The following LCN10 variants were observed in gnomAD, a reference collection of about 807,000 sequenced individuals.
The protein encoded by LCN10 is epididymal-specific lipocalin-10.
LCN10 carries 18 observed loss-of-function variants against 25.1 expected under a neutral mutation model. The observed-to-expected ratio is 0.72, with a 90% CI of 0.50 to 1.06. The LOEUF is 1.06. Among genes scored for constraint, LCN10 ranks in the 50% least tolerant of loss-of-function variants. The pLI is 0.00. For missense variants in LCN10, 257 were observed against 258.9 expected, an observed-to-expected ratio of 0.99 and a Z score of 0.05; for synonymous variants, 130 against 116.7, an observed-to-expected ratio of 1.11 and a Z score of -0.73.
In LCN10 at chr9:136,740,755, C is replaced by G. The variant is rs1339737708; in HGVS notation, c.475+81G>C. ...CTCCCTGCCCGCCTCACCTCCTGCC[C>G]GGCCCCCTGTGCCCAGCGCCCCTCT... On this transcript the variant is annotated intron_variant, in intron 4 of 5. Coordinates refer to ENST00000497771, the MANE Select transcript of LCN10 (RefSeq NM_001001712.3). The surrounding 1 kb of genome is among the most constrained non-coding windows in gnomAD (Gnocchi z 5.3). 3.2e-5 allele frequency: 34 copies of G among 1,050,998 alleles called. No individual in the cohort carries two copies. The highest frequency in any genetic ancestry group is 4.6e-5 in the Non-Finnish European group (34 of 734,292). The allele number at this position is 1,050,998 out of a possible 1,614,324, so 65.1% of individuals were successfully genotyped here.
intron 2 of LCN10, 41 bp from the exon 3 acceptor site, chr9:136,741,402 C>G: frequency 1.4e-6 from 2 of 1,463,178 alleles, no homozygotes; most frequent in Non-Finnish European, 1.9e-6. Flanking sequence ...ACCAGGGAAC[C>G]CCTCCTCCCG....
Position 136,739,749 on chromosome 9 carries a change from G to C in LCN10, c.575-196C>G. On this transcript the variant is annotated intron_variant, in intron 5 of 5. Transcript: ENST00000497771. This position sits in a 1 kb window ranked among gnomAD's most constrained non-coding sequence, Gnocchi z 6.1. The stretch of plus-strand genomic sequence containing the variant: ...GTCGGATGCAGCATCTGCTCCGGAC[G>C]CCTCTCGCTGTCGGTGCCAGGCCTG... 1.4e-6 allele frequency: 1 copy of C among 728,986 alleles called. No individual in the cohort carries two copies. Among genetic ancestry groups the C allele is most frequent in the Non-Finnish European group, 2.4e-6 (1 of 421,634 alleles). The allele number at this position is 728,986 out of a possible 1,614,324, so 45.2% of individuals were successfully genotyped here.
chr9:136,740,915 C>T lies in LCN10; in HGVS notation c.396G>A (p.Leu132=), dbSNP rs754038771. 5.6e-6 allele frequency: 9 copies of T among 1,613,866 alleles called. No individual in the cohort carries two copies. In the East Asian group the frequency reaches 1.3e-4, roughly 24 times the overall value. The change falls in exon 4 of 6, where the codon CTG becomes CTA. Residue 132 remains leucine, a synonymous_variant. Coordinates refer to ENST00000497771, the MANE Select transcript of LCN10 (RefSeq NM_001001712.3). This position sits in a 1 kb window ranked among gnomAD's most constrained non-coding sequence, Gnocchi z 5.3. ...CCAAGCCGTAGCTGTAGTCAGTGGA[C>T]AGCACGTGGAAGGCCTTCACCCCTT... ...GVKGVKAFHV[L]STDYSYGLVY...
chr9:136,739,149 T>G lies in LCN10; in HGVS notation c.*376A>C, dbSNP rs1846879805. On this transcript the variant is annotated 3_prime_UTR_variant, in exon 6 of 6. Transcript: ENST00000497771. This position sits in a 1 kb window ranked among gnomAD's most constrained non-coding sequence, Gnocchi z 6.1. ...ATATGCGAACGGCTTCCTGAGAAAG[T>G]GCAGGATGTAAAGGAACGCGGAGGG... 1 of 249,076 alleles carries G rather than the reference T, an allele frequency of 4.0e-6. No homozygotes were observed. The highest frequency in any genetic ancestry group is 8.0e-6 in the Non-Finnish European group (1 of 125,392). The allele number at this position is 249,076 out of a possible 1,614,324, so 15.4% of individuals were successfully genotyped here.
At position 136,738,269 on chromosome 9, in the gene LCN10, G is replaced by A. The variant is rs1475418841; in HGVS notation, c.*1256C>T. 1 of 152,224 alleles carries A rather than the reference G, an allele frequency of 6.6e-6. No homozygotes were observed. Among genetic ancestry groups the A allele is most frequent in the African/African-American group, 2.4e-5 (1 of 41,428 alleles). 9.4% of individuals were successfully genotyped at this position (152,224 alleles called of 1,614,324 possible). On this transcript the variant is annotated 3_prime_UTR_variant, in exon 6 of 6. Coordinates refer to ENST00000497771, the MANE Select transcript of LCN10 (RefSeq NM_001001712.3). ...AAGCGTAGCCTCAGGCCAGAAGCCT[G>A]GAACAGACACTTGGAGGGGAGGGAC...
Position 136,741,276 on chromosome 9 carries a change from C to A in LCN10, c.343G>T (p.Gly115Cys), listed in dbSNP as rs147545381. 6.2e-7 allele frequency: 1 copy of A among 1,613,584 alleles called. No individual in the cohort carries two copies. Among genetic ancestry groups the A allele is most frequent in the Non-Finnish European group, 8.5e-7 (1 of 1,179,796 alleles). The change falls in exon 3 of 6, where the codon GGC (glycine) becomes TGC (cysteine). Residue 115 changes from glycine to cysteine, a missense_variant. Coordinates refer to ENST00000497771, the MANE Select transcript of LCN10 (RefSeq NM_001001712.3). Reference sequence around the variant, plus strand: ...CCTCCCTCCTGTCCTTCCCTCGGGCCCGCCGCGTATGCACAGGCGTTCCCA... The same window carrying A: ...CCTCCCTCCTGTCCTTCCCTCGGGCACGCCGCGTATGCACAGGCGTTCCCA... ...VFGNACAYAA[G>C]PREGQEGVKG...
At chr9:136,742,243 G>C in intron 1 of LCN10, 1 of 568,808 alleles carries the variant, frequency 1.8e-6, no homozygotes, top group Non-Finnish European at 3.1e-6. Flanking sequence ...AGGCAGCAAA[G>C]GGCTGGGCTG....
chr9:136,741,079 CG>C, intron 3 of LCN10, 136 bp from the exon 4 acceptor site: 2 of 987,968 alleles, frequency 2.0e-6, no homozygotes, highest in South Asian at 1.4e-5. Context: ...AGTGCCCTCC[CG>C]GGGCCTCCCC....
Position 136,739,624 on chromosome 9 carries a change from C to T in LCN10, c.575-71G>A. The T allele has an allele frequency of 2.8e-6, 4 of 1,428,400 alleles. No individual in the cohort carries two copies. The highest frequency in any genetic ancestry group is 3.9e-6 in the Non-Finnish European group (4 of 1,034,604). The allele number at this position is 1,428,400 out of a possible 1,614,324, so 88.5% of individuals were successfully genotyped here. A position where few individuals can be genotyped will look rare whatever the true frequency, so the allele number is the denominator to read the frequency against. ...AGACACATGAGCCGTGAACACGTCT[C>T]CCCCGGCCGCTCCCTGGTTCCATGC... is the stretch of plus-strand genomic sequence containing the variant. On this transcript the variant is annotated intron_variant, in intron 5 of 5. Transcript: ENST00000497771. The surrounding 1 kb of genome is among the most constrained non-coding windows in gnomAD (Gnocchi z 6.1).
intron 1 of LCN10, chr9:136,742,393 C>T (rs530482500): frequency 3.5e-5 from 14 of 401,444 alleles, no homozygotes; most frequent in African/African-American, 8.2e-5. Context: ...CCAACCCTAG[C>T]GCCCTGGGCA....
rs575241223 is a variant in LCN10, at chr9:136,742,643, G to A, written c.117+144C>T. On this transcript the variant is annotated intron_variant, in intron 1 of 5. Coordinates refer to ENST00000497771, the MANE Select transcript of LCN10 (RefSeq NM_001001712.3). ...TTGCGGGGCCCCTGTGCTGGAGGCT[G>A]CAGTGGGAGAGGCCAGGTGGGCAGC... 101 of 1,025,778 alleles carry A rather than the reference G, an allele frequency of 9.8e-5. No individual in the cohort carries two copies. The South Asian group carries it at 1.4e-3, about 14-fold the overall frequency. The allele number at this position is 1,025,778 out of a possible 1,614,324, so 63.5% of individuals were successfully genotyped here. A position where few individuals can be genotyped will look rare whatever the true frequency, so the allele number is the denominator to read the frequency against.
Position 136,739,965 on chromosome 9 carries a change from T to C in LCN10, c.559A>G (p.Ile187Val). 6.3e-7 allele frequency: 1 copy of C among 1,590,098 alleles called. No homozygotes were observed. The highest frequency in any genetic ancestry group is 1.1e-5 in the South Asian group (1 of 87,060). The change falls in exon 5 of 6, where the codon ATC becomes GTC. Residue 187 changes from isoleucine to valine, a missense_variant. Coordinates refer to ENST00000497771, the MANE Select transcript of LCN10 (RefSeq NM_001001712.3). The surrounding 1 kb of genome is among the most constrained non-coding windows in gnomAD (Gnocchi z 6.1). ...CACAGCTTACCGTCTTTCGGGAGGATGACGGCGGCCTTGGAGAGCCCCAGA... is the reference window on the plus strand; with the variant it reads ...CACAGCTTACCGTCTTTCGGGAGGACGACGGCGGCCTTGGAGAGCCCCAGA... ...DILGLSKAAV[I>V]LPKDASRTHT...
chr9:136,741,118 C>T (rs1274327831), intron 3 of LCN10, 134 bp downstream of exon 3: 11 of 997,738 alleles, frequency 1.1e-5, no homozygotes, highest in Non-Finnish European at 1.5e-5. Context: ...CAGCACATGA[C>T]GTGTGGGCTC....
In LCN10 at chr9:136,740,296, C is replaced by G. The variant is rs1846905462; in HGVS notation, c.476-248G>C. The G allele has an allele frequency of 1.8e-6, 1 of 545,706 alleles. No individual in the cohort carries two copies. Among genetic ancestry groups the G allele is most frequent in the Non-Finnish European group, 3.3e-6 (1 of 300,808 alleles). 33.8% of individuals were successfully genotyped at this position (545,706 alleles called of 1,614,324 possible). On this transcript the variant is annotated intron_variant, in intron 4 of 5. Transcript: ENST00000497771. This position sits in a 1 kb window ranked among gnomAD's most constrained non-coding sequence, Gnocchi z 5.3. ...TCTCTGCCTGCAGAGTCCCCTCCAG[C>G]CAGCCCCTCAGCTGTGCCCCAGCTT...
chr9:136,741,201 G>T, intron 3 of LCN10, 51 bp downstream of exon 3: 2 of 1,500,242 alleles, frequency 1.3e-6, no homozygotes, highest in East Asian at 2.3e-5. Context: ...AGGCACAGGG[G>T]GGTCAGAGGC....
Position 136,741,578 on chromosome 9 carries a change from C to T in LCN10, c.258-217G>A. The T allele has an allele frequency of 1.2e-5, 7 of 606,244 alleles. No homozygotes were observed. The South Asian group carries it at 1.4e-4, about 12-fold the overall frequency. 37.6% of individuals were successfully genotyped at this position (606,244 alleles called of 1,614,324 possible). ...TTTTCCAATTCGGACTGGGGCCTGT[C>T]CCACGGCACGAGAGAAACTCCCAAC... On this transcript the variant is annotated intron_variant, in intron 2 of 5. Transcript: ENST00000497771.
chr9:136,742,041 C>T (rs374608420), intron 1 of LCN10, 21 bp from the exon 2 acceptor site: 90 of 1,611,430 alleles, frequency 5.6e-5, no homozygotes, highest in Non-Finnish European at 7.2e-5. Flanking sequence ...GATGTGTGGG[C>T]GGGGACAGGA....
Position 136,738,554 on chromosome 9 carries a change from T to C in LCN10, c.*971A>G, listed in dbSNP as rs1452222601. On this transcript the variant is annotated 3_prime_UTR_variant, in exon 6 of 6. Transcript: ENST00000497771. ...GCCAGAAGAAGGTCCATTCATTCAG[T>C]TGGGGGGTTCATCTCAGACAACCTC... 12 of 152,116 alleles carry C rather than the reference T, an allele frequency of 7.9e-5. No individual in the cohort carries two copies. The highest frequency in any genetic ancestry group is 7.9e-4 in the Admixed American group (12 of 15,248). The allele number at this position is 152,116 out of a possible 1,614,324, so 9.4% of individuals were successfully genotyped here.
Position 136,739,968 on chromosome 9 carries a change from C to T in LCN10, c.556G>A (p.Val186Ile), listed in dbSNP as rs536082781. Residue 186 changes from valine (V) to isoleucine (I), a missense_variant, in exon 5 of 6, where the codon GTC becomes ATC. Transcript: ENST00000497771. The surrounding 1 kb of genome is among the most constrained non-coding windows in gnomAD (Gnocchi z 6.1). ...AGCTTACCGTCTTTCGGGAGGATGACGGCGGCCTTGGAGAGCCCCAGAATG... is the reference window on the plus strand; with the variant it reads ...AGCTTACCGTCTTTCGGGAGGATGATGGCGGCCTTGGAGAGCCCCAGAATG... ...CDILGLSKAA[V>I]ILPKDASRTH... 1.3e-5 allele frequency: 20 copies of T among 1,590,668 alleles called. No individual in the cohort carries two copies. In the East Asian group the frequency reaches 2.3e-4, roughly 18 times the overall value.
Sources: gnomAD v4.1 joint callset for allele counts on GRCh38, gnomAD v4.1.1 for gene constraint, Gnocchi (gnomAD v3.1) non-coding constraint, MANE v1.5 for transcripts, NCBI Gene and HGNC (gene_info 2026-07-23, HGNC 2026-07-21) for gene names.